PARN: variants seen among roughly 807,000 people sequenced by gnomAD.
PARN encodes the protein poly(A)-specific ribonuclease PARN.
A neutral mutation model predicts 102.8 loss-of-function variants in PARN; 71 were observed. The ratio of observed to expected loss-of-function variants is 0.69; its 90% CI spans 0.57 to 0.84. PARN has a LOEUF of 0.84. Among genes scored for constraint, PARN ranks in the 40% least tolerant of loss-of-function variants. PARN has a pLI of 0.00. For synonymous variants in PARN, 261 were observed against 252.9 expected, an observed-to-expected ratio of 1.03 and a Z score of -0.30; for missense variants, 782 against 760.9, an observed-to-expected ratio of 1.03 and a Z score of -0.33.
chr16:14,483,861 T>C (rs144503246), intron 21 of PARN, among the ~76,000 whole-genome samples: 10 of 152,340 alleles, frequency 6.6e-5, no homozygotes, highest in African/African-American at 2.2e-4. Flanking sequence ...CTTATTTCAA[T>C]AGTTTTGGGG....
intron 23 of PARN, among the ~76,000 whole-genome samples, chr16:14,439,610 T>TA (rs1212695371): frequency 6.6e-6 from 1 of 152,186 alleles, no homozygotes; most frequent in Non-Finnish European, 1.5e-5. Context: ...AACTTAGAGT[T>TA]ATGCAAAGAT....
chr16:14,549,019 G>A (rs907757680), intron 21 of PARN, among the ~76,000 whole-genome samples: 3 of 151,876 alleles, frequency 2.0e-5, no homozygotes, highest in African/African-American at 7.3e-5. Context: ...GGGAGGGGAA[G>A]GAAACATTGG....
At chr16:14,561,029 T>A (rs1251354796) in intron 18 of PARN, among the ~76,000 whole-genome samples, 2 of 151,690 alleles carry the variant, frequency 1.3e-5, no homozygotes, top group African/African-American at 4.8e-5. Context: ...TGGTGGCGGG[T>A]GCCTGTAATC....
intron 18 of PARN, chr16:14,565,102 G>A (rs1434470763): frequency 1.3e-5 from 2 of 152,140 alleles, no homozygotes; most frequent in African/African-American, 4.8e-5. Context: ...AACCCTGTAT[G>A]CAAGGCTCAT....
At chr16:14,609,526 G>A (rs978801752) in intron 7 of PARN, among the ~76,000 whole-genome samples, 2 of 152,048 alleles carry the variant, frequency 1.3e-5, no homozygotes, top group Admixed American at 1.3e-4. Context: ...AGCTGTGATC[G>A]CATCACTGCA....
intron 21 of PARN, among the ~76,000 whole-genome samples, chr16:14,484,635 C>T (rs962903840): frequency 3.3e-5 from 5 of 152,130 alleles, no homozygotes; most frequent in Admixed American, 2.6e-4. Context: ...ACAAGGGACT[C>T]CAGTTTACCA....
At chr16:14,506,784 A>G (rs1964916080) in intron 21 of PARN, among the ~76,000 whole-genome samples, 1 of 152,186 alleles carries the variant, frequency 6.6e-6, no homozygotes. Flanking sequence ...TGAGCCCAGG[A>G]GTTCAAGTCC....
chr16:14,570,171 T>G (rs927026049), intron 18 of PARN, among the ~76,000 whole-genome samples: 2 of 151,484 alleles, frequency 1.3e-5, no homozygotes, highest in African/African-American at 2.4e-5. Flanking sequence ...AAACCCTGAC[T>G]CTACTAAAAA....
chr16:14,588,922 G>A (rs1324129069), intron 13 of PARN, among the ~76,000 whole-genome samples: 2 of 151,380 alleles, frequency 1.3e-5, no homozygotes, highest in African/African-American at 2.4e-5. Context: ...GCTCACACCT[G>A]TAATCCCAGA....
At chr16:14,610,922 C>T (rs995391522) in intron 6 of PARN, 113 bp from the exon 7 acceptor site, 5 of 684,312 alleles carry the variant, frequency 7.3e-6, no homozygotes, top group African/African-American at 7.1e-5. Context: ...TATTTAACTA[C>T]ATCTCAAAAA....
At chr16:14,526,178 T>G (rs1965988800) in intron 21 of PARN, among the ~76,000 whole-genome samples, 1 of 148,986 alleles carries the variant, frequency 6.7e-6, no homozygotes, top group Admixed American at 6.7e-5. Flanking sequence ...AATCATCCAC[T>G]GTTTTTTTTT....
intron 21 of PARN, among the ~76,000 whole-genome samples, chr16:14,509,451 C>G (rs1596540710): frequency 6.6e-6 from 1 of 152,152 alleles, no homozygotes; most frequent in African/African-American, 2.4e-5. Context: ...TTTTCTTTGG[C>G]TAACAGTTTA....
intron 22 of PARN, among the ~76,000 whole-genome samples, chr16:14,461,927 C>T (rs1301710434): frequency 6.6e-6 from 1 of 152,130 alleles, no homozygotes; most frequent in South Asian, 2.1e-4. Flanking sequence ...AAAGAAGTGA[C>T]CTGATTGGTG....
At chr16:14,554,916 C>T (rs1019339972) in intron 19 of PARN, among the ~76,000 whole-genome samples, 3 of 152,146 alleles carry the variant, frequency 2.0e-5, no homozygotes, top group African/African-American at 7.2e-5. Flanking sequence ...GCTTTCTAAT[C>T]CCAAACCTAG....
intron 21 of PARN, 28 bp from the exon 22 acceptor site, chr16:14,482,855 T>A: frequency 1.9e-6 from 3 of 1,555,152 alleles, no homozygotes; most frequent in Non-Finnish European, 2.6e-6. Flanking sequence ...AAAAATAAAA[T>A]GCTTACAAAA....
At chr16:14,460,904 T>A (rs555523100) in intron 22 of PARN, among the ~76,000 whole-genome samples, 1 of 151,902 alleles carries the variant, frequency 6.6e-6, no homozygotes, top group African/African-American at 2.4e-5. Flanking sequence ...AACAGCAGAG[T>A]GTGGAAAGAG....
At chr16:14,597,869 C>T (rs1476710184) in intron 12 of PARN, among the ~76,000 whole-genome samples, 1 of 151,550 alleles carries the variant, frequency 6.6e-6, no homozygotes, top group Non-Finnish European at 1.5e-5. Flanking sequence ...TACAGCCGGG[C>T]ATGGTGGCTC....
At chr16:14,513,238 A>G (rs1355378411) in intron 21 of PARN, among the ~76,000 whole-genome samples, 1 of 152,178 alleles carries the variant, frequency 6.6e-6, no homozygotes, top group Non-Finnish European at 1.5e-5. Context: ...AATATTTTCA[A>G]AACTTCAGCA....
chr16:14,530,739 C>T (rs1966279373), intron 21 of PARN, among the ~76,000 whole-genome samples: 2 of 152,090 alleles, frequency 1.3e-5, no homozygotes, highest in South Asian at 2.1e-4. Flanking sequence ...TCTCTCTTCT[C>T]GGCTATCCCA....
Sources: allele counts gnomAD v4.1 joint callset (sites outside exome capture counted in the v4.1 genomes callset), GRCh38; gene constraint gnomAD v4.1.1; transcripts MANE v1.5; gene names NCBI Gene and HGNC (gene_info 2026-07-23, HGNC 2026-07-21).